TUBB3: variants seen among roughly 807,000 people sequenced by gnomAD.
TUBB3 encodes tubulin beta-3 chain.
In TUBB3, 17 loss-of-function variants were observed where a neutral mutation model predicts 37.8. The observed-to-expected ratio is 0.45, with a 90% CI of 0.31 to 0.67. The LOEUF is 0.67. Ranked by LOEUF, TUBB3 falls within the 30% of genes least tolerant of loss-of-function variation. The probability of loss-of-function intolerance (pLI) is 0.07; values close to 1 mark genes in which losing one functional copy is unlikely to be tolerated. For missense variants in TUBB3, 262 were observed against 657.9 expected, an observed-to-expected ratio of 0.40 and a Z score of 6.58; for synonymous variants, 332 against 278.9, an observed-to-expected ratio of 1.19 and a Z score of -1.90.
chr16:89,928,568 A>G (rs1773801254), intron 1 of TUBB3, among the ~76,000 whole-genome samples: 1 of 145,634 alleles, frequency 6.9e-6, no homozygotes, highest in African/African-American at 2.6e-5. Flanking sequence ...TCTGTTGCCC[A>G]GGCTGGAGCA....
At chr16:89,924,465 CGG>C (rs55665107) in intron 1 of TUBB3, among the ~76,000 whole-genome samples, 1 of 140,840 alleles carries the variant, frequency 7.1e-6, no homozygotes, top group African/African-American at 2.6e-5. Context: ...AACAGGGGAT[CGG>C]GGGGGGAGGC....
rs141783833 is a variant in TUBB3 at position 89,932,208 on chromosome 16, A to T, written c.58-363A>T. ...TGTCTCAGTTCCCTTTCCTGAAAAG[A>T]GGGGATAGTAAAAACTAACCCTCAA... is the stretch of plus-strand genomic sequence containing the variant. On this transcript the variant is annotated intron_variant, in intron 1 of 3. Coordinates refer to ENST00000315491, the MANE Select transcript of TUBB3 (RefSeq NM_006086.4). 8.6e-6 allele frequency: 3 copies of T among 350,298 alleles called. No homozygotes were observed. The East Asian group carries it at 2.1e-4, about 25-fold the overall frequency. 21.7% of individuals were successfully genotyped at this position (350,298 alleles called of 1,614,324 possible).
chr16:89,930,367 T>A (rs1393917201), intron 1 of TUBB3, among the ~76,000 whole-genome samples: 1 of 151,898 alleles, frequency 6.6e-6, no homozygotes, highest in East Asian at 1.9e-4. Flanking sequence ...CCTCCCAAAG[T>A]GCAGGGATTA....
rs140825096 is a variant in TUBB3 at position 89,935,531 on chromosome 16, C to A, written c.1080C>A (p.Gly360=). 5.6e-6 allele frequency: 9 copies of A among 1,614,074 alleles called. No homozygotes were observed. In the African/African-American group the frequency reaches 9.3e-5, roughly 17 times the overall value. Residue 360 remains glycine, a synonymous_variant, in exon 4 of 4, where the codon GGC becomes GGA. Transcript: ENST00000315491. ...KVAVCDIPPR[G]LKMSSTFIGN... Reference sequence around the variant, plus strand: ...CCGTGTGTGACATCCCGCCCCGCGGCCTCAAGATGTCCTCCACCTTCATCG... The same window carrying A: ...CCGTGTGTGACATCCCGCCCCGCGGACTCAAGATGTCCTCCACCTTCATCG...
At chr16:89,927,346 C>T (rs2030123095) in intron 1 of TUBB3, among the ~76,000 whole-genome samples, 1 of 151,802 alleles carries the variant, frequency 6.6e-6, no homozygotes. Flanking sequence ...GGTCATGCCC[C>T]TGCATTCTAG....
chr16:89,922,888 G>A (rs2029930276), upstream of TUBB3, among the ~76,000 whole-genome samples: 1 of 152,264 alleles, frequency 6.6e-6, no homozygotes, highest in South Asian at 2.1e-4. Context: ...ACCGGCAAAA[G>A]CTCAGAGCAC....
intron 1 of TUBB3, chr16:89,931,839 C>G (rs2030291629): frequency 2.4e-6 from 1 of 415,740 alleles, no homozygotes; most frequent in South Asian, 1.7e-5. Context: ...CTGCAGGCAC[C>G]TGCTCTAGGG....
At chr16:89,931,960 G>A in intron 1 of TUBB3, 1 of 298,970 alleles carries the variant, frequency 3.3e-6, no homozygotes, top group South Asian at 2.6e-5. Context: ...TCCCATTTGG[G>A]ACCCCAAGGA....
At chr16:89,930,438 C>T (rs574894031) in intron 1 of TUBB3, among the ~76,000 whole-genome samples, 1 of 151,552 alleles carries the variant, frequency 6.6e-6, no homozygotes, top group Admixed American at 6.6e-5. Context: ...TATTATTATT[C>T]TATGAGACAG....
At chr16:89,923,872 C>A (rs957419190) in intron 1 of TUBB3, among the ~76,000 whole-genome samples, 58 of 152,276 alleles carry the variant, frequency 3.8e-4, no homozygotes, top group African/African-American at 1.4e-3. Context: ...GTTCTCCTCA[C>A]AGCCGTGATT....
intron 3 of TUBB3, chr16:89,934,472 C>T (rs2030384114): frequency 1.6e-6 from 1 of 628,308 alleles, no homozygotes; most frequent in Non-Finnish European, 3.0e-6. Flanking sequence ...AGGATCCCCT[C>T]AGGAGGCAGA....
At chr16:89,929,606 A>T (rs1216591527) in intron 1 of TUBB3, among the ~76,000 whole-genome samples, 1 of 152,242 alleles carries the variant, frequency 6.6e-6, no homozygotes, top group East Asian at 1.9e-4. Context: ...CACCCGTGAG[A>T]AGAAGCTCCT....
In TUBB3 at chr16:89,935,114, C is replaced by A; in HGVS notation, c.663C>A (p.Thr221=). The change falls in exon 4 of 4, where the codon ACC becomes ACA. Residue 221 remains threonine, a synonymous_variant. Transcript: ENST00000315491. ...CFRTLKLATP[T]YGDLNHLVSA... is the part of the protein sequence containing the mutation. ...GCACCCTCAAGCTGGCCACGCCCAC[C>A]TACGGGGACCTCAACCACCTGGTAT... is the stretch of plus-strand genomic sequence containing the variant. 6.2e-7 allele frequency: 1 copy of A among 1,614,192 alleles called. No individual in the cohort carries two copies. The highest frequency in any genetic ancestry group is 8.5e-7 in the Non-Finnish European group (1 of 1,180,036).
intron 2 of TUBB3, chr16:89,933,105 A>C: frequency 2.0e-6 from 1 of 502,890 alleles, no homozygotes; most frequent in Non-Finnish European, 3.7e-6. Context: ...AATTTTATTT[A>C]ATTTAATAGA....
In TUBB3 at chr16:89,935,060, C is replaced by T. The variant is rs376993247; in HGVS notation, c.609C>T (p.Asp203=). The T allele has an allele frequency of 1.1e-5, 18 of 1,614,086 alleles. No homozygotes were observed. Among genetic ancestry groups the T allele is most frequent in the Non-Finnish European group, 1.4e-5 (16 of 1,180,042 alleles). Residue 203 remains aspartate, a synonymous_variant, in exon 4 of 4, where the codon GAC becomes GAT. Transcript: ENST00000315491. Reference sequence around the variant, plus strand: ...ACACGGATGAGACCTACTGCATCGACAACGAGGCGCTCTACGACATCTGCT... The same window carrying T: ...ACACGGATGAGACCTACTGCATCGATAACGAGGCGCTCTACGACATCTGCT... The part of the protein sequence containing the change: ...VENTDETYCI[D]NEALYDICFR...
chr16:89,928,619 G>T (rs2030169602), intron 1 of TUBB3, among the ~76,000 whole-genome samples: 1 of 151,670 alleles, frequency 6.6e-6, no homozygotes, highest in Non-Finnish European at 1.5e-5. Context: ...CCGCCTCCCA[G>T]GTTCACGCCA....
chr16:89,930,457 T>C (rs958821044), intron 1 of TUBB3, among the ~76,000 whole-genome samples: 2 of 151,016 alleles, frequency 1.3e-5, no homozygotes, highest in Non-Finnish European at 3.0e-5. Flanking sequence ...AGAGTCTCAC[T>C]CTGTCGCCCA....
At chr16:89,925,042 CCTT>C (rs1237725782) in intron 1 of TUBB3, among the ~76,000 whole-genome samples, 1 of 152,108 alleles carries the variant, frequency 6.6e-6, no homozygotes, top group South Asian at 2.1e-4. Flanking sequence ...TGGGGTTTCT[CCTT>C]CTATGGCTGG....
chr16:89,924,826 C>G (rs1364180124), intron 1 of TUBB3, among the ~76,000 whole-genome samples: 1 of 151,998 alleles, frequency 6.6e-6, no homozygotes, highest in East Asian at 1.9e-4. Context: ...AACCAGGACT[C>G]CCGGAGCAGC....
Sources: gnomAD v4.1 joint callset for allele counts (sites outside exome capture counted in the v4.1 genomes callset) on GRCh38, gnomAD v4.1.1 for gene constraint, MANE v1.5 for transcripts, NCBI Gene and HGNC (gene_info 2026-07-23, HGNC 2026-07-21) for gene names.